CSF2RB: variants seen among roughly 807,000 people sequenced by gnomAD.
The protein encoded by CSF2RB is colony stimulating factor 2 receptor subunit beta.
A neutral mutation model predicts 67.2 loss-of-function variants in CSF2RB; 22 were observed. The ratio of observed to expected loss-of-function variants is 0.33; its 90% confidence interval spans 0.23 to 0.47. The LOEUF is 0.47. CSF2RB is among the 20% of genes least tolerant of loss of function. The pLI is 1.00. For missense variants in CSF2RB, 1,113 were observed against 1,174.5 expected (o/e 0.95, Z 0.76); for synonymous variants, 507 against 482.9 (o/e 1.05, Z -0.65).
intron 1 of CSF2RB, among the ~76,000 whole-genome samples, chr22:36,920,759 G>GT (rs1940840530): frequency 6.6e-6 from 1 of 152,104 alleles, no homozygotes; most frequent in Admixed American, 6.5e-5. Context: ...CACTCCTCTG[G>GT]TTTGCAGCTT....
In CSF2RB at chr22:36,939,290, C is replaced by T. The variant is rs1183481487; in HGVS notation, c.*788C>T. ...CAAGTGGTGGGCAGGCTGGCGGGAC[C>T]TGGGGAACATCAGGAGAGGAGTCCA... On this transcript the variant is annotated 3_prime_UTR_variant, in exon 14 of 14. Coordinates refer to ENST00000403662, the MANE Select transcript of CSF2RB (RefSeq NM_000395.3). 1.4e-6 allele frequency: 1 copy of T among 701,728 alleles called. No individual in the cohort carries two copies. The highest frequency in any genetic ancestry group is 2.6e-6 in the Non-Finnish European group (1 of 384,826). 43.5% of individuals were successfully genotyped at this position (701,728 alleles called of 1,614,324 possible).
At chr22:36,915,532 A>G (rs1388386747) in intron 1 of CSF2RB, among the ~76,000 whole-genome samples, 1 of 152,026 alleles carries the variant, frequency 6.6e-6, no homozygotes, top group African/African-American at 2.4e-5. Flanking sequence ...TAACCCTAAG[A>G]AATATGTGGC....
intron 8 of CSF2RB, among the ~76,000 whole-genome samples, chr22:36,931,518 A>G (rs1399538990): frequency 6.6e-6 from 1 of 152,260 alleles, no homozygotes; most frequent in Non-Finnish European, 1.5e-5. Context: ...TGCCTGGCAC[A>G]TAAGAGACCT....
At chr22:36,928,631 C>G (rs970562070) in intron 4 of CSF2RB, among the ~76,000 whole-genome samples, 3 of 152,180 alleles carry the variant, frequency 2.0e-5, no homozygotes, top group African/African-American at 7.2e-5. Flanking sequence ...TTGAACAACC[C>G]AGAGTTCCCA....
At chr22:36,918,242 A>G (rs1330364822) in intron 1 of CSF2RB, among the ~76,000 whole-genome samples, 3 of 152,178 alleles carry the variant, frequency 2.0e-5, no homozygotes, top group Admixed American at 1.3e-4. Flanking sequence ...CTTTGTCCTT[A>G]CATACTCAAA....
chr22:36,937,923 T>G lies in CSF2RB; in HGVS notation c.2115T>G (p.Pro705=), dbSNP rs767831426. ...TGAGCTCTGGGGACACTGAGGACCC[T>G]GGAGTGGCCTCTGGTTATGTCTCCT... ...IPMSSGDTED[P]GVASGYVSSA... Residue 705 remains proline, a synonymous_variant, in exon 14 of 14, where the codon CCT becomes CCG. Coordinates refer to ENST00000403662, the MANE Select transcript of CSF2RB (RefSeq NM_000395.3). This position sits in a 1 kb window ranked among gnomAD's most constrained non-coding sequence, Gnocchi z 4.6. 1 of 1,614,036 alleles carries G rather than the reference T, an allele frequency of 6.2e-7. No homozygotes were observed. The highest frequency in any genetic ancestry group is 1.1e-5 in the South Asian group (1 of 91,092).
At chr22:36,923,519 C>T (rs1940932552) in intron 3 of CSF2RB, 152 bp downstream of exon 3, 2 of 1,326,206 alleles carry the variant, frequency 1.5e-6, no homozygotes, top group Non-Finnish European at 2.1e-6. Flanking sequence ...GCAAGAGCTC[C>T]TGCTCCGCCA....
At chr22:36,921,465 T>C (rs1266445441) in intron 1 of CSF2RB, among the ~76,000 whole-genome samples, 1 of 150,840 alleles carries the variant, frequency 6.6e-6, no homozygotes, top group African/African-American at 2.4e-5. Flanking sequence ...GTCCGTGTGC[T>C]TGTGTGTGTG....
In CSF2RB at chr22:36,930,376, G is replaced by C; in HGVS notation, c.720G>C (p.Gly240=). Residue 240 remains glycine (G), a splice_region_variant and synonymous_variant, in exon 7 of 14, where the codon GGG becomes GGC. Coordinates refer to ENST00000403662, the MANE Select transcript of CSF2RB (RefSeq NM_000395.3). Reference sequence around the variant, plus strand: ...CATGAGGACCTGTCTCCAACCCAGGGGATGAGGCCCAGCCCCAGAACCTGG... The same window carrying C: ...CATGAGGACCTGTCTCCAACCCAGGCGATGAGGCCCAGCCCCAGAACCTGG... ...SPEVCWDSQP[G]DEAQPQNLEC... is the part of the protein sequence containing the mutation. 6.2e-7 allele frequency: 1 copy of C among 1,613,546 alleles called. No homozygotes were observed. The highest frequency in any genetic ancestry group is 8.5e-7 in the Non-Finnish European group (1 of 1,180,030).
intron 1 of CSF2RB, among the ~76,000 whole-genome samples, chr22:36,914,031 G>T (rs1350192727): frequency 6.6e-6 from 1 of 152,068 alleles, no homozygotes; most frequent in Non-Finnish European, 1.5e-5. Flanking sequence ...GTCTGTCTTC[G>T]CTTTGTCACT....
At chr22:36,923,438 G>A in intron 3 of CSF2RB, 71 bp downstream of exon 3, 1 of 1,574,162 alleles carries the variant, frequency 6.4e-7, no homozygotes. Flanking sequence ...TGGGGCGACA[G>A]TGTAGAGAGG....
rs544020050 is a variant in CSF2RB, at chr22:36,938,203, C to G, written c.2395C>G (p.Arg799Gly). 6.2e-7 allele frequency: 1 copy of G among 1,614,176 alleles called. No homozygotes were observed. Among genetic ancestry groups the G allele is most frequent in the Non-Finnish European group, 8.5e-7 (1 of 1,180,012 alleles). Residue 799 changes from arginine to glycine, a missense_variant, in exon 14 of 14, where the codon CGC becomes GGC. Arg to Gly is a moderately radical substitution (Grantham distance 125). This residue lies in a region of CSF2RB where 554 missense variants were observed against 517.9 expected (regional missense o/e 1.07). Transcript: ENST00000403662. ...AAGCCCTGTCCTGAACCCAGGGGAA[C>G]GCCCGGCAGATGTGTCCCCAACATC... ...AKSPVLNPGE[R>G]PADVSPTSPQ... is the part of the protein sequence containing the mutation.
At chr22:36,921,886 A>G (rs931812109) in intron 1 of CSF2RB, 150 bp from the exon 2 acceptor site, 2 of 463,954 alleles carry the variant, frequency 4.3e-6, no homozygotes, top group Non-Finnish European at 8.0e-6. Context: ...CCCTCAGGCC[A>G]CACAGCGCAT....
chr22:36,936,346 G>A (rs1006591617), intron 12 of CSF2RB, among the ~76,000 whole-genome samples: 1 of 152,114 alleles, frequency 6.6e-6, no homozygotes, highest in Non-Finnish European at 1.5e-5. Flanking sequence ...CTGTCCTCAG[G>A]TAGCAGGGAC....
At position 36,926,004 on chromosome 22, in the gene CSF2RB, T is replaced by C. The variant is rs1389817358; in HGVS notation, c.218T>C (p.Val73Ala). 1 of 1,614,188 alleles carries C rather than the reference T, an allele frequency of 6.2e-7. No individual in the cohort carries two copies. Among genetic ancestry groups the C allele is most frequent in the Admixed American group, 1.7e-5 (1 of 60,024 alleles). ...RRVNEDLLEP[V>A]SCDLSDDMPW... ...CCCAACAGGGACCTCCTGGAGCCAGTGTCCTGTGACCTCAGTGATGACATG... is the reference window on the plus strand; with the variant it reads ...CCCAACAGGGACCTCCTGGAGCCAGCGTCCTGTGACCTCAGTGATGACATG... The change falls in exon 4 of 14, where the codon GTG (valine) becomes GCG (alanine). Residue 73 changes from valine to alanine, a missense_variant. Physicochemically the swap from Val to Ala is moderately conservative, Grantham distance 64. Transcript: ENST00000403662.
At chr22:36,921,139 GTA>G (rs1940855918) in intron 1 of CSF2RB, among the ~76,000 whole-genome samples, 1 of 151,680 alleles carries the variant, frequency 6.6e-6, no homozygotes, top group Non-Finnish European at 1.5e-5. Context: ...GAATTTCTGT[GTA>G]TGTGTGAATG....
intron 12 of CSF2RB, among the ~76,000 whole-genome samples, chr22:36,935,950 T>A (rs1941257321): frequency 7.8e-6 from 1 of 127,858 alleles, no homozygotes; most frequent in Non-Finnish European, 1.8e-5. Context: ...TGGGACAGGG[T>A]GGGCTCACAG....
At chr22:36,932,187 C>T (rs1014313652) in intron 8 of CSF2RB, among the ~76,000 whole-genome samples, 1 of 152,226 alleles carries the variant, frequency 6.6e-6, no homozygotes, top group Non-Finnish European at 1.5e-5. Flanking sequence ...GTAATCCCAG[C>T]ACTTTGGGAG....
At chr22:36,928,078 T>G (rs1941063232) in intron 4 of CSF2RB, among the ~76,000 whole-genome samples, 1 of 152,032 alleles carries the variant, frequency 6.6e-6, no homozygotes, top group Non-Finnish European at 1.5e-5. Context: ...CTGGAGCCTG[T>G]GTTGAGTAGC....
Sources: gnomAD v4.1 joint callset for allele counts (sites outside exome capture counted in the v4.1 genomes callset) on GRCh38, gnomAD v4.1.1 for gene constraint, gnomAD v4.1.1 regional missense constraint, Gnocchi (gnomAD v3.1) non-coding constraint, MANE v1.5 for transcripts, NCBI Gene and HGNC (gene_info 2026-07-23, HGNC 2026-07-21) for gene names.